The following SLC25A18 variants were observed in gnomAD, a reference collection of about 807,000 sequenced individuals.
SLC25A18 encodes the protein mitochondrial glutamate carrier 2.
In SLC25A18, 24 loss-of-function variants were observed where a neutral mutation model predicts 31.1. The ratio of observed to expected loss-of-function variants is 0.77; its 90% CI spans 0.56 to 1.08. SLC25A18 has a LOEUF of 1.08. Ranked by LOEUF, SLC25A18 falls within the 50% of genes least tolerant of loss-of-function variation. SLC25A18 has a pLI of 0.00. For synonymous variants in SLC25A18, 173 were observed against 161.9 expected (o/e 1.07, Z -0.52); for missense variants, 371 against 418.5 (o/e 0.89, Z 0.99).
chr22:17,587,131 T>A lies in SLC25A18; in HGVS notation c.410-5T>A, dbSNP rs2057572894. ...AGGTACTGATGTCTGTCCTTTCCCTTCCAGCCGTCCATCATCAGGGCTCGG... is the reference window on the plus strand; with the variant it reads ...AGGTACTGATGTCTGTCCTTTCCCTACCAGCCGTCCATCATCAGGGCTCGG... On this transcript the variant is annotated splice_region_variant and splice_polypyrimidine_tract_variant and intron_variant, in intron 7 of 10. Transcript: ENST00000327451. The A allele has an allele frequency of 6.2e-7, 1 of 1,613,466 alleles. No individual in the cohort carries two copies. The highest frequency in any genetic ancestry group is 8.5e-7 in the Non-Finnish European group (1 of 1,179,760).
At chr22:17,582,858 TATA>T (rs2057418308) in intron 6 of SLC25A18, among the ~76,000 whole-genome samples, 2 of 152,208 alleles carry the variant, frequency 1.3e-5, no homozygotes, top group East Asian at 1.9e-4. Context: ...TGACAGATAA[TATA>T]GAGAACATAT....
chr22:17,575,695 G>C (rs1024200491), intron 2 of SLC25A18, among the ~76,000 whole-genome samples: 1 of 152,318 alleles, frequency 6.6e-6, no homozygotes, highest in South Asian at 2.1e-4. Context: ...GAATAGCAAG[G>C]GGGAAAGGGC....
At chr22:17,580,461 T>C in intron 3 of SLC25A18, 4 of 915,546 alleles carry the variant, frequency 4.4e-6, no homozygotes, top group Non-Finnish European at 5.2e-6. Context: ...GCTTTACTTT[T>C]GGCTGGAACT....
chr22:17,569,555 T>A, intron 1 of SLC25A18: 1 of 954,710 alleles, frequency 1.0e-6, no homozygotes, highest in Non-Finnish European at 1.2e-6. Flanking sequence ...TGCAAAAGTG[T>A]TTGCGTTGCA....
At chr22:17,579,994 T>G in intron 3 of SLC25A18, 30 bp downstream of exon 3, 1 of 1,597,444 alleles carries the variant, frequency 6.3e-7, no homozygotes, top group East Asian at 2.2e-5. Flanking sequence ...CCTGAGGCCC[T>G]GGGCCCTGGG....
chr22:17,588,036 T>C lies in SLC25A18; in HGVS notation c.687T>C (p.Cys229=). 6.2e-7 allele frequency: 1 copy of C among 1,614,156 alleles called. No homozygotes were observed. The highest frequency in any genetic ancestry group is 8.5e-7 in the Non-Finnish European group (1 of 1,180,042). Residue 229 remains cysteine, a synonymous_variant, in exon 9 of 11, where the codon TGT becomes TGC. Transcript: ENST00000327451. Reference sequence around the variant, plus strand: ...TTGCACATTCCTTCGTGTCAGGCTGTGTGGCAGGTTCCATAGCTGCGGTCG... The same window carrying C: ...TTGCACATTCCTTCGTGTCAGGCTGCGTGGCAGGTTCCATAGCTGCGGTCG... ...ASFAHSFVSG[C]VAGSIAAVAV...
chr22:17,584,505 C>G (rs1161518136), intron 7 of SLC25A18, among the ~76,000 whole-genome samples: 1 of 145,670 alleles, frequency 6.9e-6, no homozygotes, highest in East Asian at 2.2e-4. Flanking sequence ...TGCCGCCCAG[C>G]GTGGTGGCTC....
intron 5 of SLC25A18, 77 bp from the exon 6 acceptor site, chr22:17,582,486 C>A: frequency 7.8e-7 from 1 of 1,285,260 alleles, no homozygotes; most frequent in Non-Finnish European, 1.1e-6. Flanking sequence ...ACTGGCCTGG[C>A]TAGGGCTGAA....
Position 17,582,513 on chromosome 22 carries a change from C to G in SLC25A18, c.200-50C>G, listed in dbSNP as rs200353774. On this transcript the variant is annotated intron_variant, in intron 5 of 10. Transcript: ENST00000327451. The stretch of plus-strand genomic sequence containing the variant: ...AGGGCTGAAGGGCAGACCTGGGGCA[C>G]TGTTATTTCTGGGATGGCCTTGACT... 762 of 1,493,144 alleles carry G rather than the reference C, an allele frequency of 5.1e-4. 6 individuals carry two copies. Among genetic ancestry groups the G allele is most frequent in the Non-Finnish European group, 3.2e-5 (35 of 1,096,840 alleles). 92.5% of individuals were successfully genotyped at this position (1,493,144 alleles called of 1,614,324 possible).
At chr22:17,588,291 T>C in intron 9 of SLC25A18, 1 of 547,250 alleles carries the variant, frequency 1.8e-6, no homozygotes. Flanking sequence ...GCTGATTGCT[T>C]TAGCTTTTCA....
In SLC25A18 at chr22:17,589,670, G is replaced by C; in HGVS notation, c.806+5G>C. 6.2e-7 allele frequency: 1 copy of C among 1,614,064 alleles called. No homozygotes were observed. Among genetic ancestry groups the C allele is most frequent in the Non-Finnish European group, 8.5e-7 (1 of 1,179,930 alleles). The stretch of plus-strand genomic sequence containing the variant: ...TGGGATCACCGACTGTGCCAGGTGA[G>C]AGCCAGTGTCCCCTCAAATGGTGGC... On this transcript the variant is annotated splice_donor_5th_base_variant and intron_variant, in intron 10 of 10. Coordinates refer to ENST00000327451, the MANE Select transcript of SLC25A18 (RefSeq NM_031481.3).
At chr22:17,570,074 C>T (rs1301707462) in intron 2 of SLC25A18, 88 bp downstream of exon 2, 5 of 881,126 alleles carry the variant, frequency 5.7e-6, no homozygotes, top group African/African-American at 1.8e-5. Context: ...AGGGGAAGAG[C>T]AGCCAGTGGG....
intron 2 of SLC25A18, among the ~76,000 whole-genome samples, chr22:17,578,118 G>A (rs1005274476): frequency 2.6e-5 from 4 of 151,084 alleles, no homozygotes; most frequent in Non-Finnish European, 5.9e-5. Flanking sequence ...CTGAGTAGCT[G>A]GGCCACCATG....
intron 1 of SLC25A18, among the ~76,000 whole-genome samples, chr22:17,564,633 G>A (rs62238769): frequency 6.6e-5 from 10 of 152,068 alleles, no homozygotes; most frequent in East Asian, 1.9e-4. Context: ...AGGCCAAGGC[G>A]GGCGGATCAC....
intron 5 of SLC25A18, chr22:17,581,727 T>C: frequency 2.9e-6 from 1 of 343,158 alleles, no homozygotes; most frequent in Non-Finnish European, 5.3e-6. Context: ...GGGCCTGAGC[T>C]CCTGGCAAGG....
chr22:17,590,096 A>T lies in SLC25A18; in HGVS notation c.808A>T (p.Lys270Ter). 1 of 1,614,036 alleles carries T rather than the reference A, an allele frequency of 6.2e-7. No homozygotes were observed. Among genetic ancestry groups the T allele is most frequent in the Middle Eastern group, 1.7e-4 (1 of 5,936 alleles). The change falls in exon 11 of 11, where the codon AAA (lysine) becomes TAA (stop). Residue 270 changes from lysine to a stop codon, truncating the protein, a stop_gained and splice_region_variant. Transcript: ENST00000327451. LOFTEE classifies it high-confidence loss of function. ...TCACTGGCTCTTCTTTCTCCCCAGG[A>T]AACTCTGGATTCAGGAGGGACCATC... The part of the protein sequence containing the change: ...MYSGITDCAR[K>*]LWIQEGPSAF...
In SLC25A18 at chr22:17,590,467, T is replaced by C. The variant is rs1258826973; in HGVS notation, c.*231T>C. On this transcript the variant is annotated 3_prime_UTR_variant, in exon 11 of 11. Transcript: ENST00000327451. ...TGTGGGCACAGCTACCAGGGGCTTTTGGAAGCCCCTAACCACCTACTTTTC... is the reference window on the plus strand; with the variant it reads ...TGTGGGCACAGCTACCAGGGGCTTTCGGAAGCCCCTAACCACCTACTTTTC... 2.1e-6 allele frequency: 1 copy of C among 472,396 alleles called. No homozygotes were observed. Among genetic ancestry groups the C allele is most frequent in the Non-Finnish European group, 3.7e-6 (1 of 269,254 alleles). 29.3% of individuals were successfully genotyped at this position (472,396 alleles called of 1,614,324 possible).
chr22:17,580,039 A>C (rs1180580439), intron 3 of SLC25A18, 75 bp downstream of exon 3: 6 of 1,448,508 alleles, frequency 4.1e-6, no homozygotes, highest in Non-Finnish European at 5.7e-6. Flanking sequence ...TAGCACATCC[A>C]GGTTTCTGAA....
At position 17,582,651 on chromosome 22, in the gene SLC25A18, T is replaced by C; in HGVS notation, c.288T>C (p.Asp96=). 1 of 1,600,554 alleles carries C rather than the reference T, an allele frequency of 6.2e-7. No homozygotes were observed. The highest frequency in any genetic ancestry group is 8.5e-7 in the Non-Finnish European group (1 of 1,172,904). ...TTTTCCGGCGGCTGCTCATGGAAGA[T>C]GGGTATGGCCAGGTGGGGTGGGGTT... ...NDFFRRLLME[D]GMQRNLKMEM... is the part of the protein sequence containing the mutation. Residue 96 remains aspartate (D), a splice_region_variant and synonymous_variant, in exon 6 of 11, where the codon GAT becomes GAC. Coordinates refer to ENST00000327451, the MANE Select transcript of SLC25A18 (RefSeq NM_031481.3).
Sources: gnomAD v4.1 joint callset for allele counts (sites outside exome capture counted in the v4.1 genomes callset) on GRCh38, gnomAD v4.1.1 for gene constraint, MANE v1.5 for transcripts, NCBI Gene and HGNC (gene_info 2026-07-23, HGNC 2026-07-21) for gene names.